The following NF1 variants were observed in gnomAD, a reference collection of about 807,000 sequenced individuals.
The protein encoded by NF1 is neurofibromin.
A neutral mutation model predicts 325.7 loss-of-function variants in NF1; 122 were observed. That is an observed-to-expected ratio of 0.37 (90% confidence interval 0.32 to 0.44). The LOEUF (loss-of-function observed/expected upper bound fraction) is 0.44, where lower values mean the gene tolerates loss of function less well. Among genes scored for constraint, NF1 ranks in the 20% least tolerant of loss-of-function variants. The probability of loss-of-function intolerance (pLI) is 1.00; values close to 1 mark genes in which losing one functional copy is unlikely to be tolerated. For synonymous variants in NF1, 1,091 were observed against 1,186.0 expected, an observed-to-expected ratio of 0.92 and a Z score of 1.65; for missense variants, 2,140 against 3,415.4, an observed-to-expected ratio of 0.63 and a Z score of 9.31.
At chr17:31,189,700 G>A (rs1210395069) in intron 8 of NF1, among the ~76,000 whole-genome samples, 1 of 150,682 alleles carries the variant, frequency 6.6e-6, no homozygotes, top group Non-Finnish European at 1.5e-5. Context: ...TTTTTTTCTG[G>A]TATTTTCTAG....
intron 36 of NF1, among the ~76,000 whole-genome samples, chr17:31,285,280 A>C: frequency 1.3e-5 from 2 of 150,654 alleles, no homozygotes; most frequent in Non-Finnish European, 3.0e-5. Context: ...TTCTGTTTAA[A>C]AAAAAAAAAA....
chr17:31,200,688 A>G, intron 9 of NF1, 93 bp downstream of exon 9: 1 of 1,410,420 alleles, frequency 7.1e-7, no homozygotes, highest in Middle Eastern at 1.8e-4. Context: ...TGCTAACATT[A>G]AAGTTCTGAC....
intron 2 of NF1, among the ~76,000 whole-genome samples, chr17:31,156,604 G>GT (rs1409494358): frequency 1.3e-5 from 2 of 152,104 alleles, no homozygotes; most frequent in Non-Finnish European, 2.9e-5. Flanking sequence ...GAAGATATGT[G>GT]TTTTTTCTTC....
At position 31,326,241 on chromosome 17, in the gene NF1, G is replaced by A. The variant is rs148540952; in HGVS notation, c.5257G>A (p.Val1753Ile). ...CAAGCTAGCTCACAAAGACACCAAA[G>A]TTTCTATTAAAGTAAGTTCCAGTCT... ...ALKLAHKDTK[V>I]SIKVGSTAVQ... The change falls in exon 37 of 58, where the codon GTT becomes ATT. Residue 1753 changes from valine to isoleucine, a missense_variant. Val to Ile is a conservative substitution (Grantham distance 29). Transcript: ENST00000358273. 18 of 1,608,462 alleles carry A rather than the reference G, an allele frequency of 1.1e-5. No homozygotes were observed. In the African/African-American group the frequency reaches 2.1e-4, roughly 19 times the overall value.
intron 24 of NF1, 21 bp from the exon 25 acceptor site, chr17:31,232,052 T>TA: frequency 7.8e-7 from 1 of 1,279,294 alleles, no homozygotes; most frequent in Non-Finnish European, 1.1e-6. Context: ...AATTTTTTTT[T>TA]TTTTTTTTTT....
At chr17:31,147,290 C>T (rs1567810471) in intron 1 of NF1, among the ~76,000 whole-genome samples, 1 of 152,204 alleles carries the variant, frequency 6.6e-6, no homozygotes, top group Non-Finnish European at 1.5e-5. Context: ...TTGAATTTAG[C>T]ATGGTTTTGA....
intron 12 of NF1, among the ~76,000 whole-genome samples, chr17:31,211,775 T>A (rs1934111988): frequency 6.6e-6 from 1 of 152,162 alleles, no homozygotes. Context: ...TTAACACAAA[T>A]GGAGTTTGCA....
At chr17:31,261,513 T>C (rs2067685549) in intron 34 of NF1, among the ~76,000 whole-genome samples, 198 bp from the exon 35 acceptor site, 1 of 152,194 alleles carries the variant, frequency 6.6e-6, no homozygotes, top group South Asian at 2.1e-4. Context: ...AATTGGGAGA[T>C]GGGAGTTTAA....
chr17:31,223,319 C>G (rs1250040377), intron 15 of NF1, 125 bp from the exon 16 acceptor site: 16 of 1,153,206 alleles, frequency 1.4e-5, no homozygotes, highest in Non-Finnish European at 2.6e-6. Flanking sequence ...TCTCTAAAAC[C>G]TTACAAGAAA....
chr17:31,101,983 A>G (rs1472733788), intron 1 of NF1, among the ~76,000 whole-genome samples: 2 of 152,158 alleles, frequency 1.3e-5, no homozygotes, highest in African/African-American at 4.8e-5. Flanking sequence ...ACATTGATGG[A>G]ATGTTTTTCA....
In NF1 at chr17:31,126,314, G is replaced by A. The variant is rs17885580; in HGVS notation, c.61-29669G>A. Among the ~76,000 whole-genome samples, 717 of 152,252 alleles carry A rather than the reference G, an allele frequency of 4.7e-3. 6 individuals are homozygous for A. Among genetic ancestry groups the A allele is most frequent in the African/African-American group, 0.016 (685 of 41,546 alleles). Reference sequence around the variant, plus strand: ...TTTCGGATATTCATAGAGCATTTGTGTTATTTATTCTGTGAAATGTATTTG... The same window carrying A: ...TTTCGGATATTCATAGAGCATTTGTATTATTTATTCTGTGAAATGTATTTG... On this transcript the variant is annotated intron_variant, in intron 1 of 57. Coordinates refer to ENST00000358273, the MANE Select transcript of NF1 (RefSeq NM_001042492.3).
At chr17:31,248,395 A>G (rs916883158) in intron 29 of NF1, among the ~76,000 whole-genome samples, 2 of 152,148 alleles carry the variant, frequency 1.3e-5, no homozygotes, top group African/African-American at 4.8e-5. Context: ...TCATGTTTCT[A>G]ACATATACAG....
intron 36 of NF1, among the ~76,000 whole-genome samples, chr17:31,285,712 G>A (rs1233670532): frequency 1.3e-5 from 2 of 152,062 alleles, no homozygotes; most frequent in African/African-American, 4.8e-5. Flanking sequence ...GTGTGGTGAT[G>A]AGAGCCTGTA....
intron 36 of NF1, among the ~76,000 whole-genome samples, chr17:31,279,161 C>A (rs989930253): frequency 6.6e-6 from 1 of 152,102 alleles, no homozygotes; most frequent in African/African-American, 2.4e-5. Flanking sequence ...GCAAGTAGAT[C>A]GCCTGACCCC....
At chr17:31,138,646 T>C (rs1479887179) in intron 1 of NF1, 1 of 151,330 alleles carries the variant, frequency 6.6e-6, no homozygotes, top group Admixed American at 6.6e-5. Flanking sequence ...CAGGCTGGAG[T>C]GCAGTGGTGC....
intron 8 of NF1, among the ~76,000 whole-genome samples, chr17:31,187,492 G>T (rs2066262975): frequency 6.6e-6 from 1 of 152,158 alleles, no homozygotes; most frequent in Non-Finnish European, 1.5e-5. Flanking sequence ...AATGTGCCTG[G>T]CCACACTGGT....
Position 31,325,764 on chromosome 17 carries a change from G to C in NF1, c.4836-56G>C, listed in dbSNP as rs2069323582. 2.4e-6 allele frequency: 3 copies of C among 1,262,034 alleles called. No individual in the cohort carries two copies. The Admixed American group carries it at 5.1e-5, about 21-fold the overall frequency. 78.2% of individuals were successfully genotyped at this position (1,262,034 alleles called of 1,614,324 possible). A position where few individuals can be genotyped will look rare whatever the true frequency, so the allele number is the denominator to read the frequency against. ...AAAATAAAATTGATTAGTGGCATCT[G>C]TATATTTATTTTAAACACTGCTAAT... On this transcript the variant is annotated intron_variant, in intron 36 of 57. Coordinates refer to ENST00000358273, the MANE Select transcript of NF1 (RefSeq NM_001042492.3).
rs2069663705 is a variant in NF1 at position 31,336,190 on chromosome 17, G to T, written c.6007-143G>T. 3 of 757,408 alleles carry T rather than the reference G, an allele frequency of 4.0e-6. No homozygotes were observed. Among genetic ancestry groups the T allele is most frequent in the African/African-American group, 3.5e-5 (2 of 57,134 alleles). The allele number at this position is 757,408 out of a possible 1,614,324, so 46.9% of individuals were successfully genotyped here. A position where few individuals can be genotyped will look rare whatever the true frequency, so the allele number is the denominator to read the frequency against. ...TATAATAAATTGTATTTACTGACAG[G>T]CCTGTAAATAAAATCTAGTATTTTT... is the stretch of plus-strand genomic sequence containing the variant. On this transcript the variant is annotated intron_variant, in intron 40 of 57. Coordinates refer to ENST00000358273, the MANE Select transcript of NF1 (RefSeq NM_001042492.3). This position sits in a 1 kb window ranked among gnomAD's most constrained non-coding sequence, Gnocchi z 5.5.
intron 51 of NF1, among the ~76,000 whole-genome samples, chr17:31,355,320 G>A (rs2070245044): frequency 6.6e-6 from 1 of 152,148 alleles, no homozygotes; most frequent in Non-Finnish European, 1.5e-5. Flanking sequence ...TCATTGTCTA[G>A]ATCCCTAGCC....
Sources: allele counts gnomAD v4.1 joint callset (sites outside exome capture counted in the v4.1 genomes callset), GRCh38; gene constraint gnomAD v4.1.1; non-coding constraint Gnocchi (gnomAD v3.1); transcripts MANE v1.5; gene names NCBI Gene and HGNC (gene_info 2026-07-23, HGNC 2026-07-21).